The following GRIN2B variants were observed in gnomAD, a reference collection of about 807,000 sequenced individuals.
GRIN2B encodes the protein glutamate ionotropic receptor NMDA type subunit 2B, also known as glutamate receptor ionotropic, NMDA 2B.
In GRIN2B, 5 loss-of-function variants were observed where a neutral mutation model predicts 114.5. That is an observed-to-expected ratio of 0.04 (90% CI 0.02 to 0.09). The LOEUF is 0.09. Ranked by LOEUF, GRIN2B falls within the 10% of genes least tolerant of loss-of-function variation. The pLI, the probability that GRIN2B is intolerant of heterozygous loss-of-function variation, is 1.00. For synonymous variants in GRIN2B, 787 were observed against 745.1 expected (o/e 1.06, Z -0.92); for missense variants, 1,108 against 1,943.5 (o/e 0.57, Z 8.08).
chr12:13,855,600 C>T (rs1238618627), intron 3 of GRIN2B, among the ~76,000 whole-genome samples: 4 of 152,142 alleles, frequency 2.6e-5, no homozygotes, highest in Non-Finnish European at 2.9e-5. Context: ...TAGCTTGTAG[C>T]TCAACAACTA....
At chr12:13,603,854 C>T (rs1180166899) in intron 10 of GRIN2B, among the ~76,000 whole-genome samples, 1 of 151,728 alleles carries the variant, frequency 6.6e-6, no homozygotes, top group African/African-American at 2.4e-5. Flanking sequence ...CAAATTTTGG[C>T]TCTGTCACTT....
rs1232321836 is a variant in GRIN2B at position 13,547,148 on chromosome 12, A to G, written c.*15635T>C. 6.6e-6 allele frequency: 1 copy of G among 152,240 alleles called. No individual in the cohort carries two copies. The highest frequency in any genetic ancestry group is 1.5e-5 in the Non-Finnish European group (1 of 68,056). 9.4% of individuals were successfully genotyped at this position (152,240 alleles called of 1,614,324 possible). ...GGGATATATCCCATTTTCATAGGAA[A>G]GGAAAGTCGGGGAGGGGAGCCAAAA... On this transcript the variant is annotated 3_prime_UTR_variant, in exon 14 of 14. Coordinates refer to ENST00000609686, the MANE Select transcript of GRIN2B (RefSeq NM_000834.5).
At position 13,838,134 on chromosome 12, in the gene GRIN2B, G is replaced by T. The variant is rs185152587; in HGVS notation, c.411+27664C>A. Among the ~76,000 whole-genome samples the T allele has an allele frequency of 7.5e-4, 114 of 152,208 alleles. 1 individual carries two copies. The highest frequency in any genetic ancestry group is 2.5e-3 in the African/African-American group (104 of 41,526). On this transcript the variant is annotated intron_variant, in intron 3 of 13. Coordinates refer to ENST00000609686, the MANE Select transcript of GRIN2B (RefSeq NM_000834.5). The stretch of plus-strand genomic sequence containing the variant: ...AATGTGCAAAAGGCTACATATCGGA[G>T]GGATGAGGACAGGAAAGAATAAGAG...
At chr12:13,788,633 C>A (rs1018765355) in intron 3 of GRIN2B, among the ~76,000 whole-genome samples, 33 of 152,124 alleles carry the variant, frequency 2.2e-4, no homozygotes, top group Admixed American at 1.3e-4. Flanking sequence ...ATTTCACGTG[C>A]CTCTTATATA....
Position 13,552,212 on chromosome 12 carries a change from T to C in GRIN2B, c.*10571A>G, listed in dbSNP as rs1948421549. Reference sequence around the variant, plus strand: ...CCCAGGGTGATGATCAAGGGCTCCTTGGGTGCTGTAATCTGAAGGACCTGG... The same window carrying C: ...CCCAGGGTGATGATCAAGGGCTCCTCGGGTGCTGTAATCTGAAGGACCTGG... On this transcript the variant is annotated 3_prime_UTR_variant, in exon 14 of 14. Coordinates refer to ENST00000609686, the MANE Select transcript of GRIN2B (RefSeq NM_000834.5). 1 of 152,314 alleles carries C rather than the reference T, an allele frequency of 6.6e-6. No homozygotes were observed. Among genetic ancestry groups the C allele is most frequent in the East Asian group, 1.9e-4 (1 of 5,182 alleles). 9.4% of individuals were successfully genotyped at this position (152,314 alleles called of 1,614,324 possible).
intron 10 of GRIN2B, among the ~76,000 whole-genome samples, chr12:13,587,208 C>A (rs951376008): frequency 6.6e-6 from 1 of 152,126 alleles, no homozygotes; most frequent in Non-Finnish European, 1.5e-5. Context: ...ATCAGATACT[C>A]ATCTGGTGGC....
chr12:13,833,146 T>A (rs1050269963), intron 3 of GRIN2B, among the ~76,000 whole-genome samples: 1 of 152,210 alleles, frequency 6.6e-6, no homozygotes, highest in Admixed American at 6.5e-5. Context: ...TGATATGGTA[T>A]TAAAAATTAT....
chr12:13,841,059 CATG>C (rs1400980355), intron 3 of GRIN2B, among the ~76,000 whole-genome samples: 41 of 152,118 alleles, frequency 2.7e-4, no homozygotes, highest in Admixed American at 2.7e-3. Flanking sequence ...AATGATATGA[CATG>C]ATATTAACTC....
intron 5 of GRIN2B, among the ~76,000 whole-genome samples, chr12:13,649,334 TC>T (rs1949793649): frequency 6.6e-6 from 1 of 152,102 alleles, no homozygotes; most frequent in African/African-American, 2.4e-5. Flanking sequence ...GGCTGAAGCT[TC>T]TCTGTTATAT....
intron 10 of GRIN2B, among the ~76,000 whole-genome samples, chr12:13,593,703 C>T (rs565023470): frequency 2.0e-5 from 3 of 152,276 alleles, no homozygotes; most frequent in Non-Finnish European, 4.4e-5. Flanking sequence ...AACTAAAGAG[C>T]TTCTGCACAG....
intron 2 of GRIN2B, among the ~76,000 whole-genome samples, chr12:13,923,261 G>A (rs1179394301): frequency 6.6e-6 from 1 of 152,066 alleles, no homozygotes; most frequent in Non-Finnish European, 1.5e-5. Flanking sequence ...AATAGATAAA[G>A]CAGTCTATTT....
At chr12:13,734,358 A>G (rs1863145222) in intron 4 of GRIN2B, among the ~76,000 whole-genome samples, 1 of 152,196 alleles carries the variant, frequency 6.6e-6, no homozygotes, top group African/African-American at 2.4e-5. Flanking sequence ...TGACTGATGC[A>G]GATATAAAAG....
At chr12:13,567,612 G>T (rs1327911358) in intron 12 of GRIN2B, among the ~76,000 whole-genome samples, 7 of 152,096 alleles carry the variant, frequency 4.6e-5, no homozygotes, top group African/African-American at 1.7e-4. Context: ...AGTCCAAATT[G>T]GTGACAGTAA....
chr12:13,702,225 T>C (rs1950319682), intron 4 of GRIN2B, among the ~76,000 whole-genome samples: 1 of 152,192 alleles, frequency 6.6e-6, no homozygotes, highest in Admixed American at 6.5e-5. Context: ...AGAATTATAA[T>C]TGTGAAAATA....
chr12:13,956,563 C>T (rs528060998), intron 2 of GRIN2B, among the ~76,000 whole-genome samples: 1 of 152,182 alleles, frequency 6.6e-6, no homozygotes, highest in Non-Finnish European at 1.5e-5. Context: ...TTCTCCAAGT[C>T]GTTTCCTCCA....
At chr12:13,812,074 T>C (rs561437722) in intron 3 of GRIN2B, among the ~76,000 whole-genome samples, 2 of 152,200 alleles carry the variant, frequency 1.3e-5, no homozygotes, top group African/African-American at 4.8e-5. Context: ...AAAAAAGTAA[T>C]ATATTCTGTA....
At chr12:13,912,400 A>T (rs1240685076) in intron 2 of GRIN2B, among the ~76,000 whole-genome samples, 1 of 152,224 alleles carries the variant, frequency 6.6e-6, no homozygotes, top group Non-Finnish European at 1.5e-5. Flanking sequence ...TTAGCATTTA[A>T]AGGAAATGAT....
chr12:13,957,826 C>A (rs1380565207), intron 2 of GRIN2B, among the ~76,000 whole-genome samples: 1 of 152,156 alleles, frequency 6.6e-6, no homozygotes, highest in African/African-American at 2.4e-5. Flanking sequence ...TTTACTGTAA[C>A]CTCCCAGAGG....
intron 2 of GRIN2B, among the ~76,000 whole-genome samples, chr12:13,972,102 C>T (rs1214966011): frequency 6.6e-6 from 1 of 152,210 alleles, no homozygotes; most frequent in African/African-American, 2.4e-5. Flanking sequence ...TATGGCTTCG[C>T]ATTAGAATCC....
Sources: allele counts gnomAD v4.1 joint callset (sites outside exome capture counted in the v4.1 genomes callset), GRCh38; gene constraint gnomAD v4.1.1; transcripts MANE v1.5; gene names NCBI Gene and HGNC (gene_info 2026-07-23, HGNC 2026-07-21).